Variants in AKAP6 observed in about 807,000 individuals in gnomAD.
The protein encoded by AKAP6 is A-kinase anchor protein 6.
In AKAP6, 58 loss-of-function variants were observed where a neutral mutation model predicts 188.5. The ratio of observed to expected loss-of-function variants is 0.31; its 90% CI spans 0.25 to 0.38. The LOEUF is 0.38. Among genes scored for constraint, AKAP6 ranks in the 10% least tolerant of loss-of-function variants. The pLI, the probability that AKAP6 is intolerant of heterozygous loss-of-function variation, is 1.00. For missense variants in AKAP6, 2,710 were observed against 2,740.0 expected (o/e 0.99, Z 0.24); for synonymous variants, 989 against 998.6 (o/e 0.99, Z 0.18).
chr14:32,806,311 T>A (rs7146994), intron 12 of AKAP6, among the ~76,000 whole-genome samples: 59,306 of 152,072 alleles, frequency 0.39, 11,737 homozygotes, highest in Non-Finnish European at 0.42. Context: ...ACAAAACTGT[T>A]AGATACTTGA....
chr14:32,693,721 G>A (rs1890275860), intron 8 of AKAP6: 1 of 152,162 alleles, frequency 6.6e-6, no homozygotes, highest in South Asian at 2.1e-4. Flanking sequence ...GAAAGGGTGA[G>A]CTTTCTCTTC....
chr14:32,696,109 A>G lies in AKAP6; in HGVS notation c.2999A>G (p.Lys1000Arg). 1 of 1,601,562 alleles carries G rather than the reference A, an allele frequency of 6.2e-7. No individual in the cohort carries two copies. The highest frequency in any genetic ancestry group is 1.8e-5 in the Admixed American group (1 of 56,326). ...MSEEQQQHLY[K>R]RYSVEMSIRH... ...GAGGAGCAGCAGCAGCATCTTTACAAGGTTAGAGCTACCCTTCCTGCCTTT... is the reference window on the plus strand; with the variant it reads ...GAGGAGCAGCAGCAGCATCTTTACAGGGTTAGAGCTACCCTTCCTGCCTTT... The change falls in exon 9 of 14, where the codon AAG becomes AGG. Residue 1000 changes from lysine (K) to arginine (R), a missense_variant and splice_region_variant. Around this residue, in one of 2 missense-constraint regions of AKAP6, gnomAD observed 2,473 missense variants for 2,426.1 expected, o/e 1.02. Coordinates refer to ENST00000280979, the MANE Select transcript of AKAP6 (RefSeq NM_004274.5).
Position 32,660,177 on chromosome 14 carries a change from C to T in AKAP6, c.2731-18134C>T, listed in dbSNP as rs568958003. Reference sequence around the variant, plus strand: ...GTGAGAGCTCACATATTTCATGTCACACCGGTTTAACATTGGCTAGTTAGT... The same window carrying T: ...GTGAGAGCTCACATATTTCATGTCATACCGGTTTAACATTGGCTAGTTAGT... On this transcript the variant is annotated intron_variant, in intron 7 of 13. Coordinates refer to ENST00000280979, the MANE Select transcript of AKAP6 (RefSeq NM_004274.5). Among the ~76,000 whole-genome samples the T allele has an allele frequency of 3.9e-5, 6 of 152,168 alleles. No individual in the cohort carries two copies. In the East Asian group the frequency reaches 7.7e-4, roughly 20 times the overall value.
chr14:32,518,115 A>C (rs897756067), intron 2 of AKAP6, among the ~76,000 whole-genome samples: 2 of 152,160 alleles, frequency 1.3e-5, no homozygotes, highest in Non-Finnish European at 2.9e-5. Context: ...AAACTCCAAA[A>C]GACTTGCAGA....
intron 2 of AKAP6, among the ~76,000 whole-genome samples, chr14:32,506,018 C>G (rs1385268193): frequency 6.6e-6 from 1 of 151,800 alleles, no homozygotes; most frequent in Non-Finnish European, 1.5e-5. Flanking sequence ...TGGCATGGAC[C>G]TGTAGTTCAA....
intron 1 of AKAP6, among the ~76,000 whole-genome samples, chr14:32,351,631 A>G (rs1214842992): frequency 6.6e-6 from 1 of 152,012 alleles, no homozygotes; most frequent in Non-Finnish European, 1.5e-5. Context: ...GATTTTTAGT[A>G]AAGACTAAGA....
intron 2 of AKAP6, among the ~76,000 whole-genome samples, chr14:32,504,108 G>T (rs1880741194): frequency 6.6e-6 from 1 of 151,606 alleles, no homozygotes. Flanking sequence ...TTATTCCATA[G>T]TACTTTAAAG....
At chr14:32,398,243 G>C (rs541368882) in intron 1 of AKAP6, among the ~76,000 whole-genome samples, 2 of 152,348 alleles carry the variant, frequency 1.3e-5, no homozygotes, top group Non-Finnish European at 2.9e-5. Flanking sequence ...CAAATGCAGT[G>C]AGGCTCTGCC....
At chr14:32,621,645 T>C (rs1356991256) in intron 7 of AKAP6, among the ~76,000 whole-genome samples, 1 of 152,168 alleles carries the variant, frequency 6.6e-6, no homozygotes, top group Admixed American at 6.5e-5. Flanking sequence ...ATGTATATTA[T>C]ACAGTTCTTA....
At chr14:32,356,139 T>C (rs998019883) in intron 1 of AKAP6, among the ~76,000 whole-genome samples, 1 of 152,180 alleles carries the variant, frequency 6.6e-6, no homozygotes, top group African/African-American at 2.4e-5. Flanking sequence ...GTATTAATAA[T>C]TGAGAGAAAT....
chr14:32,785,689 A>G (rs541714391), intron 12 of AKAP6, among the ~76,000 whole-genome samples: 4 of 149,048 alleles, frequency 2.7e-5, no homozygotes, highest in South Asian at 2.2e-4. Flanking sequence ...GGATTTTGCT[A>G]TAAATATCCT....
At chr14:32,330,713 A>AT (rs35147196) in intron 1 of AKAP6, among the ~76,000 whole-genome samples, 2,664 of 62,410 alleles carry the variant, frequency 0.043, 640 homozygotes, top group African/African-American at 0.07. Context: ...GCTTGGAGTG[A>AT]TTTTTTTTTT....
intron 7 of AKAP6, among the ~76,000 whole-genome samples, chr14:32,660,920 C>CT (rs1888662826): frequency 3.7e-5 from 3 of 81,232 alleles, no homozygotes; most frequent in African/African-American, 1.2e-4. Context: ...TTTTCTTCCC[C>CT]GCCACCCCCC....
rs10139888 is a variant in AKAP6, at chr14:32,641,014, C to T, written c.2731-37297C>T. On this transcript the variant is annotated intron_variant, in intron 7 of 13. Coordinates refer to ENST00000280979, the MANE Select transcript of AKAP6 (RefSeq NM_004274.5). ...AATTGGATGTACCACCTAGAGAATC[C>T]TCAGATTTCTTTCAAGGCACATCAT... 4.7e-3 allele frequency among the ~76,000 whole-genome samples: 708 copies of T among 152,152 alleles called. 8 individuals carry two copies. The highest frequency in any genetic ancestry group is 0.016 in the African/African-American group (651 of 41,530).
At chr14:32,438,566 G>A (rs994252692) in intron 2 of AKAP6, 4 of 152,148 alleles carry the variant, frequency 2.6e-5, no homozygotes, top group Admixed American at 1.3e-4. Context: ...TCTTGAGAGT[G>A]AATAAAAGCA....
Position 32,540,162 on chromosome 14 carries a change from C to CTA in AKAP6, c.576+4358_576+4359insAT, listed in dbSNP as rs1473909094. ...TCTCTCTCTCTCTCTCTCTCTCTCT[C>CTA]TCTCTCTATATATATATATATATAT... On this transcript the variant is annotated intron_variant, in intron 3 of 13. Transcript: ENST00000280979. Among the ~76,000 whole-genome samples the CTA allele has an allele frequency of 1.4e-3, 151 of 105,132 alleles. 1 individual carries two copies. The highest frequency in any genetic ancestry group is 2.0e-3 in the Non-Finnish European group (112 of 56,042). 69.0% of individuals were successfully genotyped at this position (105,132 alleles called of 152,430 possible).
chr14:32,363,615 A>G (rs1887733887), intron 1 of AKAP6, among the ~76,000 whole-genome samples: 1 of 152,200 alleles, frequency 6.6e-6, no homozygotes, highest in Non-Finnish European at 1.5e-5. Context: ...TGGGAGAAAG[A>G]TGAAGGCCAG....
chr14:32,471,834 A>T (rs918579915), intron 2 of AKAP6, among the ~76,000 whole-genome samples: 1 of 152,142 alleles, frequency 6.6e-6, no homozygotes, highest in Non-Finnish European at 1.5e-5. Flanking sequence ...ACACTGTGTT[A>T]TCTGTGCTAA....
intron 5 of AKAP6, 152 bp from the exon 6 acceptor site, chr14:32,599,258 C>A: frequency 1.7e-6 from 1 of 581,896 alleles, no homozygotes; most frequent in South Asian, 2.8e-5. Context: ...GCCCAGATCC[C>A]AAATATCAAT....
Sources: gnomAD v4.1 joint callset for allele counts (sites outside exome capture counted in the v4.1 genomes callset) on GRCh38, gnomAD v4.1.1 for gene constraint, gnomAD v4.1.1 regional missense constraint, MANE v1.5 for transcripts, NCBI Gene and HGNC (gene_info 2026-07-23, HGNC 2026-07-21) for gene names.